DNM3: variants seen among roughly 807,000 people sequenced by gnomAD.
DNM3 encodes the protein dynamin-3.
In DNM3, 47 loss-of-function variants were observed where a neutral mutation model predicts 101.6. The ratio of observed to expected loss-of-function variants is 0.46; its 90% CI spans 0.37 to 0.59. DNM3 has a LOEUF of 0.59. Among genes scored for constraint, DNM3 ranks in the 20% least tolerant of loss-of-function variants. The probability of loss-of-function intolerance (pLI) is 0.00; values close to 1 mark genes in which losing one functional copy is unlikely to be tolerated. For missense variants in DNM3, 849 were observed against 1,085.7 expected, an observed-to-expected ratio of 0.78 and a Z score of 3.06; for synonymous variants, 385 against 387.9, an observed-to-expected ratio of 0.99 and a Z score of 0.09.
intron 14 of DNM3, among the ~76,000 whole-genome samples, chr1:172,233,264 C>G (rs2061407739): frequency 6.6e-6 from 1 of 152,268 alleles, no homozygotes; most frequent in South Asian, 2.1e-4. Flanking sequence ...AAACAACTCT[C>G]TACACAAATA....
intron 15 of DNM3, among the ~76,000 whole-genome samples, chr1:172,303,658 A>C (rs997519859): frequency 7.2e-5 from 11 of 152,230 alleles, no homozygotes; most frequent in African/African-American, 2.4e-4. Flanking sequence ...AAAGGGAAGC[A>C]CATCAGACTA....
At chr1:172,065,609 A>G (rs547687341) in intron 10 of DNM3, among the ~76,000 whole-genome samples, 18 of 152,270 alleles carry the variant, frequency 1.2e-4, no homozygotes, top group Non-Finnish European at 2.4e-4. Flanking sequence ...AATGGGAAGT[A>G]TGAGCTCCAT....
At chr1:172,071,631 A>G (rs561235324) in intron 11 of DNM3, among the ~76,000 whole-genome samples, 8 of 132,460 alleles carry the variant, frequency 6.0e-5, no homozygotes, top group Non-Finnish European at 1.2e-4. Flanking sequence ...GCTTTGTGGG[A>G]AAAAAAAATC....
Position 172,411,883 on chromosome 1 carries a change from G to A in DNM3, c.*4042G>A, listed in dbSNP as rs373152526. On this transcript the variant is annotated 3_prime_UTR_variant, in exon 21 of 21. Coordinates refer to ENST00000627582, the MANE Select transcript of DNM3 (RefSeq NM_015569.5). ...GATGATTTTGAAGAAATGATTATTC[G>A]TTCACCAGATCACTCATTGTACATT... 35 of 985,726 alleles carry A rather than the reference G, an allele frequency of 3.6e-5. No individual in the cohort carries two copies. Among genetic ancestry groups the A allele is most frequent in the Middle Eastern group, 5.2e-4 (1 of 1,914 alleles). The allele number at this position is 985,726 out of a possible 1,614,324, so 61.1% of individuals were successfully genotyped here. A position where few individuals can be genotyped will look rare whatever the true frequency, so the allele number is the denominator to read the frequency against.
chr1:171,862,665 T>C (rs1383523715), intron 1 of DNM3, among the ~76,000 whole-genome samples: 1 of 152,162 alleles, frequency 6.6e-6, no homozygotes, highest in Non-Finnish European at 1.5e-5. Flanking sequence ...GATGGTGTTT[T>C]ATAATATCAT....
intron 15 of DNM3, among the ~76,000 whole-genome samples, chr1:172,267,278 A>T (rs560924355): frequency 1.2e-4 from 19 of 152,254 alleles, no homozygotes; most frequent in Non-Finnish European, 2.6e-4. Flanking sequence ...TGAGGGAATG[A>T]ATGCATGGAT....
At chr1:172,383,710 C>T (rs998464789) in intron 18 of DNM3, among the ~76,000 whole-genome samples, 1 of 152,112 alleles carries the variant, frequency 6.6e-6, no homozygotes. Flanking sequence ...AAACATATTA[C>T]GGGTTGCTAG....
chr1:171,974,866 C>CTTTTTTTTTTTTT (rs202081677), intron 2 of DNM3, among the ~76,000 whole-genome samples: 1 of 149,496 alleles, frequency 6.7e-6, no homozygotes, highest in African/African-American at 2.5e-5. Context: ...TCTTCTTCTA[C>CTTTTTTTTTTTTT]TGTTTTTTTT....
rs1221229949 is a variant in DNM3, at chr1:171,999,511, C to T, written c.589+10363C>T. Among the ~76,000 whole-genome samples, 4 of 152,118 alleles carry T rather than the reference C, an allele frequency of 2.6e-5. No individual in the cohort carries two copies. The East Asian group carries it at 7.7e-4, about 29-fold the overall frequency. On this transcript the variant is annotated intron_variant, in intron 4 of 20. Coordinates refer to ENST00000627582, the MANE Select transcript of DNM3 (RefSeq NM_015569.5). ...TACATATAAGAGACTGGATCCAGTT[C>T]AAGAGCAGAGTTTCAAGCTGGAGTT... is the stretch of plus-strand genomic sequence containing the variant.
chr1:172,017,404 T>C (rs2047520934), intron 4 of DNM3, among the ~76,000 whole-genome samples: 1 of 152,188 alleles, frequency 6.6e-6, no homozygotes, highest in Admixed American at 6.5e-5. Context: ...TGTATTTTCA[T>C]TTAGTTCAAA....
chr1:172,292,621 A>ATG (rs2063972018), intron 15 of DNM3, among the ~76,000 whole-genome samples: 1 of 149,876 alleles, frequency 6.7e-6, no homozygotes, highest in African/African-American at 2.5e-5. Flanking sequence ...ACACACACAC[A>ATG]CACGCGCGTG....
intron 14 of DNM3, among the ~76,000 whole-genome samples, chr1:172,162,569 G>GGTA (rs1174890143): frequency 6.6e-6 from 1 of 151,806 alleles, no homozygotes; most frequent in Non-Finnish European, 1.5e-5. Flanking sequence ...TCCACTAAGG[G>GGTA]GTAAGAAAGA....
At chr1:172,340,383 A>G (rs2066631629) in intron 17 of DNM3, among the ~76,000 whole-genome samples, 1 of 152,098 alleles carries the variant, frequency 6.6e-6, no homozygotes, top group Admixed American at 6.5e-5. Context: ...TCCATAGGAG[A>G]AGCACTACTT....
chr1:171,990,047 G>T (rs990023761), intron 4 of DNM3, among the ~76,000 whole-genome samples: 1 of 151,938 alleles, frequency 6.6e-6, no homozygotes, highest in Non-Finnish European at 1.5e-5. Context: ...CATTTTAGAG[G>T]TTCCAAAAGC....
At chr1:172,375,829 CAAA>C in intron 17 of DNM3, among the ~76,000 whole-genome samples, 1 of 120,496 alleles carries the variant, frequency 8.3e-6, no homozygotes, top group African/African-American at 3.2e-5. Context: ...GGAAACATAA[CAAA>C]ACCCCATCTC....
intron 17 of DNM3, among the ~76,000 whole-genome samples, chr1:172,355,018 T>C (rs991127896): frequency 1.3e-5 from 2 of 152,180 alleles, no homozygotes; most frequent in Admixed American, 6.6e-5. Context: ...GAAAAGTCTT[T>C]GAGAATCCAT....
At chr1:171,900,217 C>T (rs377000012) in intron 1 of DNM3, among the ~76,000 whole-genome samples, 11 of 152,006 alleles carry the variant, frequency 7.2e-5, no homozygotes, top group East Asian at 5.8e-4. Context: ...AGGACAATAG[C>T]GTATTCAAAT....
chr1:171,985,620 G>A (rs1185697090), intron 2 of DNM3, among the ~76,000 whole-genome samples: 2 of 152,202 alleles, frequency 1.3e-5, no homozygotes, highest in African/African-American at 2.4e-5. Context: ...ACATTATATG[G>A]AGAAACTAAG....
At chr1:172,379,679 C>A (rs1261807299) in intron 18 of DNM3, among the ~76,000 whole-genome samples, 1 of 151,906 alleles carries the variant, frequency 6.6e-6, no homozygotes, top group African/African-American at 2.4e-5. Flanking sequence ...TTGCTTTATT[C>A]CCTCGGATTA....
Sources: allele counts gnomAD v4.1 joint callset (sites outside exome capture counted in the v4.1 genomes callset), GRCh38; gene constraint gnomAD v4.1.1; transcripts MANE v1.5; gene names NCBI Gene and HGNC (gene_info 2026-07-23, HGNC 2026-07-21).